Variants in METTL25 observed in about 807,000 individuals in gnomAD.
The protein encoded by METTL25 is methyltransferase like 25, also known as probable methyltransferase-like protein 25.
A neutral mutation model predicts 71.6 loss-of-function variants in METTL25; 64 were observed. The ratio of observed to expected loss-of-function variants is 0.89; its 90% CI spans 0.73 to 1.10. METTL25 has a LOEUF of 1.10. METTL25 is among the 50% of genes least tolerant of loss of function. The pLI is 0.00. For missense variants in METTL25, 807 were observed against 707.0 expected, an observed-to-expected ratio of 1.14 and a Z score of -1.60; for synonymous variants, 287 against 250.3, an observed-to-expected ratio of 1.15 and a Z score of -1.38.
rs137894608 is a variant in METTL25, at chr12:82,361,414, C to T, written c.259+2590C>T. Among the ~76,000 whole-genome samples, 614 of 152,342 alleles carry T rather than the reference C, an allele frequency of 4.0e-3. 4 individuals are homozygous for T. Among genetic ancestry groups the T allele is most frequent in the African/African-American group, 0.014 (579 of 41,578 alleles). ...GCCCACCAGTCCCATGCCGTGCGCC[C>T]GCACTCCTCAGCCCTTGGGCGGTCG... is the stretch of plus-strand genomic sequence containing the variant. On this transcript the variant is annotated intron_variant, in intron 1 of 11. Coordinates refer to ENST00000248306, the MANE Select transcript of METTL25 (RefSeq NM_032230.3).
At chr12:82,372,802 C>A (rs1051246205) in intron 1 of METTL25, among the ~76,000 whole-genome samples, 7 of 152,228 alleles carry the variant, frequency 4.6e-5, no homozygotes, top group Admixed American at 4.6e-4. Context: ...TCTCCCCCTG[C>A]CCAAGAACCC....
chr12:82,457,359 C>T lies in METTL25; in HGVS notation c.1572+539C>T, dbSNP rs187508170. Among the ~76,000 whole-genome samples, 11 of 150,842 alleles carry T rather than the reference C, an allele frequency of 7.3e-5. No homozygotes were observed. In the East Asian group the frequency reaches 7.7e-4, roughly 11 times the overall value. On this transcript the variant is annotated intron_variant, in intron 9 of 11. Transcript: ENST00000248306. ...AAAAAAACAGCTTTCAACATTCAGA[C>T]GAGCTATTAACTAAAATATTAAATG...
chr12:82,359,521 G>C (rs73149595), intron 1 of METTL25, among the ~76,000 whole-genome samples: 8,829 of 152,340 alleles, frequency 0.058, 332 homozygotes, highest in Middle Eastern at 0.11. Context: ...AAAGATAACT[G>C]TGAATTATTT....
intron 8 of METTL25, among the ~76,000 whole-genome samples, chr12:82,440,237 C>G (rs1219356866): frequency 6.6e-6 from 1 of 151,922 alleles, no homozygotes; most frequent in African/African-American, 2.4e-5. Context: ...TATATTTCCT[C>G]TTTCTCTTAG....
intron 5 of METTL25, among the ~76,000 whole-genome samples, chr12:82,418,783 A>G (rs1302646511): frequency 6.6e-6 from 1 of 152,108 alleles, no homozygotes; most frequent in East Asian, 1.9e-4. Flanking sequence ...CATAAGGACT[A>G]TTGTGAAAAA....
chr12:82,375,671 G>A (rs1327305964), intron 1 of METTL25, among the ~76,000 whole-genome samples: 1 of 152,168 alleles, frequency 6.6e-6, no homozygotes, highest in Non-Finnish European at 1.5e-5. Context: ...AATTAGTGAG[G>A]TCCAGAAGTG....
Position 82,479,192 on chromosome 12 carries a change from G to T in METTL25, c.*168G>T. ...GAAGGTTATAATCCATTTTTCCATT[G>T]TCAAAGCATACATTAATAAAAGAAG... On this transcript the variant is annotated 3_prime_UTR_variant, in exon 12 of 12. Transcript: ENST00000248306. 2 of 516,942 alleles carry T rather than the reference G, an allele frequency of 3.9e-6. No individual in the cohort carries two copies. Among genetic ancestry groups the T allele is most frequent in the Non-Finnish European group, 6.9e-6 (2 of 291,526 alleles). The allele number at this position is 516,942 out of a possible 1,614,324, so 32.0% of individuals were successfully genotyped here. A position where few individuals can be genotyped will look rare whatever the true frequency, so the allele number is the denominator to read the frequency against.
rs556706891 is a variant in METTL25 at position 82,389,768 on chromosome 12, A to G, written c.425-48A>G. On this transcript the variant is annotated intron_variant, in intron 2 of 11. Transcript: ENST00000248306. ...TATGAACATCTAACTGATAATTCCT[A>G]CTAAATTTTGATTCTTTAATAGCAG... is the stretch of plus-strand genomic sequence containing the variant. The G allele has an allele frequency of 5.3e-4, 563 of 1,066,728 alleles. 7 individuals are homozygous for G. In the South Asian group the frequency reaches 6.9e-3, roughly 13 times the overall value. 66.1% of individuals were successfully genotyped at this position (1,066,728 alleles called of 1,614,324 possible).
chr12:82,402,685 TTTAAATCA>T (rs1315895604), intron 4 of METTL25, among the ~76,000 whole-genome samples: 3 of 152,186 alleles, frequency 2.0e-5, no homozygotes, highest in Non-Finnish European at 4.4e-5. Context: ...TAATTTAATC[TTTAAATCA>T]TTAAATCATT....
intron 8 of METTL25, among the ~76,000 whole-genome samples, chr12:82,450,679 C>T (rs978257477): frequency 6.6e-6 from 1 of 152,060 alleles, no homozygotes; most frequent in Non-Finnish European, 1.5e-5. Flanking sequence ...CTCATTTTTT[C>T]TCTGACCTCA....
chr12:82,479,149 A>G lies in METTL25; in HGVS notation c.*125A>G. 1.6e-6 allele frequency: 1 copy of G among 618,416 alleles called. No homozygotes were observed. Among genetic ancestry groups the G allele is most frequent in the Non-Finnish European group, 2.8e-6 (1 of 356,252 alleles). 38.3% of individuals were successfully genotyped at this position (618,416 alleles called of 1,614,324 possible). ...TGACTGTTATGTATTTTAAATAATA[A>G]AATAATGGCTAACAACAGAAGGTTA... On this transcript the variant is annotated 3_prime_UTR_variant, in exon 12 of 12. Coordinates refer to ENST00000248306, the MANE Select transcript of METTL25 (RefSeq NM_032230.3).
At chr12:82,370,781 C>CCT (rs569621258) in intron 1 of METTL25, among the ~76,000 whole-genome samples, 1 of 151,030 alleles carries the variant, frequency 6.6e-6, no homozygotes, top group Non-Finnish European at 1.5e-5. Context: ...TCTCTTCCTC[C>CCT]CTCTCTCTCT....
chr12:82,436,848 G>A (rs1221583688), intron 7 of METTL25, among the ~76,000 whole-genome samples: 2 of 151,502 alleles, frequency 1.3e-5, no homozygotes, highest in Non-Finnish European at 3.0e-5. Context: ...ATTATAGCTA[G>A]TCAAACCAAA....
At chr12:82,384,568 CCAAAATA>C (rs1884777291) in intron 1 of METTL25, among the ~76,000 whole-genome samples, 1 of 151,708 alleles carries the variant, frequency 6.6e-6, no homozygotes, top group Admixed American at 6.6e-5. Flanking sequence ...TAGGGTTAGA[CCAAAATA>C]CCATAAACTG....
intron 1 of METTL25, among the ~76,000 whole-genome samples, chr12:82,383,553 G>A (rs928110807): frequency 1.3e-5 from 2 of 152,096 alleles, no homozygotes; most frequent in Admixed American, 6.6e-5. Flanking sequence ...CACATGAAAG[G>A]TAAAGTGCTT....
chr12:82,477,231 C>CTTT, intron 10 of METTL25, 50 bp from the exon 11 acceptor site: 1 of 725,342 alleles, frequency 1.4e-6, no homozygotes, highest in South Asian at 2.2e-5. Context: ...ATAAGCTAGT[C>CTTT]TTTTTTTTTT....
At chr12:82,474,462 T>C (rs761101340) in intron 9 of METTL25, 5 of 152,282 alleles carry the variant, frequency 3.3e-5, no homozygotes, top group Non-Finnish European at 5.9e-5. Flanking sequence ...GTCAGTCATC[T>C]TGCTAATGTC....
At chr12:82,431,893 A>G (rs1260097025) in intron 6 of METTL25, among the ~76,000 whole-genome samples, 1 of 151,686 alleles carries the variant, frequency 6.6e-6, no homozygotes, top group Admixed American at 6.6e-5. Context: ...GTTTTATAAT[A>G]AAGTGCTGAA....
intron 8 of METTL25, among the ~76,000 whole-genome samples, chr12:82,447,332 C>T (rs1890829633): frequency 6.6e-6 from 1 of 151,930 alleles, no homozygotes; most frequent in Non-Finnish European, 1.5e-5. Context: ...AGCAAAAATC[C>T]AGGAACAAAA....
Sources: allele counts gnomAD v4.1 joint callset (sites outside exome capture counted in the v4.1 genomes callset), GRCh38; gene constraint gnomAD v4.1.1; transcripts MANE v1.5; gene names NCBI Gene and HGNC (gene_info 2026-07-23, HGNC 2026-07-21).